PHF24: variants seen among roughly 807,000 people sequenced by gnomAD.
PHF24 encodes PHD finger protein 24, also known as Galpha inhibitory interacting protein.
In PHF24, 25 loss-of-function variants were observed where a neutral mutation model predicts 42.6. The ratio of observed to expected loss-of-function variants is 0.59; its 90% CI spans 0.43 to 0.82. PHF24 has a LOEUF of 0.82. Among genes scored for constraint, PHF24 ranks in the 40% least tolerant of loss-of-function variants. The pLI is 0.00. For synonymous variants in PHF24, 185 were observed against 204.8 expected (o/e 0.90, Z 0.83); for missense variants, 470 against 538.1 (o/e 0.87, Z 1.25).
the PHF24 span, among the ~76,000 whole-genome samples, chr9:34,827,874 C>T: frequency 2.0e-5 from 3 of 152,154 alleles, no homozygotes; most frequent in Non-Finnish European, 2.9e-5. Context: ...CCCTATTTCT[C>T]TATCTCCAGC....
the PHF24 span, among the ~76,000 whole-genome samples, chr9:34,898,857 T>C: frequency 6.6e-6 from 1 of 152,174 alleles, no homozygotes; most frequent in African/African-American, 2.4e-5. Flanking sequence ...ACCCACAGCC[T>C]CTGCCCTTCC....
chr9:34,809,290 C>T, the PHF24 span, among the ~76,000 whole-genome samples: 1 of 152,214 alleles, frequency 6.6e-6, no homozygotes, highest in East Asian at 1.9e-4. The surrounding 1 kb of genome is among the most constrained non-coding windows in gnomAD (Gnocchi z 4.1). Context: ...TTCAGCATTT[C>T]ATTTGTACTT....
chr9:34,872,453 G>A, the PHF24 span, among the ~76,000 whole-genome samples: 2 of 148,532 alleles, frequency 1.3e-5, no homozygotes, highest in Non-Finnish European at 3.0e-5. Context: ...GAGAATATGC[G>A]GTGTCTGGTT....
At chr9:34,971,788 C>CA in intron 2 of PHF24, 112 bp downstream of exon 2, 5 of 1,241,140 alleles carry the variant, frequency 4.0e-6, no homozygotes, top group Non-Finnish European at 3.3e-6. Flanking sequence ...GAGCTGAGTC[C>CA]AAAAAAATCT....
the PHF24 span, among the ~76,000 whole-genome samples, chr9:34,887,424 G>T: frequency 6.6e-6 from 1 of 152,102 alleles, no homozygotes; most frequent in South Asian, 2.1e-4. Context: ...CTTATACCAT[G>T]TGGCCCCTTA....
chr9:34,907,370 T>G, the PHF24 span, among the ~76,000 whole-genome samples: 3 of 152,224 alleles, frequency 2.0e-5, no homozygotes, highest in Non-Finnish European at 1.5e-5. Context: ...ACTGGGTTAT[T>G]CAGTAATAAT....
At chr9:34,895,681 G>A in the PHF24 span, 1 of 404,620 alleles carries the variant, frequency 2.5e-6, no homozygotes, top group East Asian at 3.6e-5. Flanking sequence ...AGGTGTATAA[G>A]GGATATCCAA....
At chr9:34,920,408 T>C in the PHF24 span, among the ~76,000 whole-genome samples, 1 of 152,198 alleles carries the variant, frequency 6.6e-6, no homozygotes, top group East Asian at 1.9e-4. Context: ...TTTTTGTTAC[T>C]ATAGTTCTGT....
At chr9:34,768,631 T>C in the PHF24 span, among the ~76,000 whole-genome samples, 2 of 152,198 alleles carry the variant, frequency 1.3e-5, no homozygotes, top group Non-Finnish European at 2.9e-5. Context: ...GTGGCTATAA[T>C]AGAAGAAAAG....
At chr9:34,720,945 C>T in the PHF24 span, among the ~76,000 whole-genome samples, 2 of 152,198 alleles carry the variant, frequency 1.3e-5, no homozygotes, top group Admixed American at 6.5e-5. Context: ...CCAGCTTTCC[C>T]GCTTTGGTTC....
chr9:34,716,955 C>G, the PHF24 span, among the ~76,000 whole-genome samples: 1 of 152,126 alleles, frequency 6.6e-6, no homozygotes, highest in Admixed American at 6.5e-5. Context: ...TACGCTTCTG[C>G]ATAACGTGTG....
At chr9:34,666,576 A>G in the PHF24 span, among the ~76,000 whole-genome samples, 5 of 104,562 alleles carry the variant, frequency 4.8e-5, no homozygotes, top group East Asian at 1.2e-3. Flanking sequence ...TTTTTGCTAC[A>G]TTCATTCAAT....
chr9:34,723,252 T>G, the PHF24 span: 3 of 1,551,628 alleles, frequency 1.9e-6, no homozygotes, highest in South Asian at 1.2e-5. Flanking sequence ...TGCCCTGGTT[T>G]GTTGGCACAA....
At chr9:34,797,716 G>A in the PHF24 span, among the ~76,000 whole-genome samples, 1 of 151,850 alleles carries the variant, frequency 6.6e-6, no homozygotes, top group Admixed American at 6.6e-5. Context: ...CTGCCTGCTA[G>A]GGTCTCGGGG....
the PHF24 span, among the ~76,000 whole-genome samples, chr9:34,871,126 G>A: frequency 9.2e-5 from 14 of 152,262 alleles, no homozygotes; most frequent in Non-Finnish European, 1.9e-4. Flanking sequence ...CAATGTTTTG[G>A]ATTTTGGCCA....
intron 3 of PHF24, among the ~76,000 whole-genome samples, chr9:34,975,559 C>T (rs1827156614): frequency 6.6e-6 from 1 of 152,028 alleles, no homozygotes; most frequent in Non-Finnish European, 1.5e-5. Flanking sequence ...TATTGGTGCT[C>T]CTTTGGAATT....
At chr9:34,869,239 G>C in the PHF24 span, among the ~76,000 whole-genome samples, 1 of 152,078 alleles carries the variant, frequency 6.6e-6, no homozygotes, top group Admixed American at 6.6e-5. Context: ...CTTTATAATA[G>C]AATGATTTAT....
the PHF24 span, among the ~76,000 whole-genome samples, chr9:34,753,986 C>T: frequency 1.3e-5 from 2 of 151,798 alleles, no homozygotes; most frequent in Non-Finnish European, 2.9e-5. Flanking sequence ...AAAAGTCAAT[C>T]GATTGGGTCT....
chr9:34,875,733 TC>T, the PHF24 span, among the ~76,000 whole-genome samples: 5 of 152,152 alleles, frequency 3.3e-5, no homozygotes, highest in East Asian at 7.7e-4. Context: ...AGTTTTACAT[TC>T]TTCCACCAGG....
Sources: allele counts gnomAD v4.1 joint callset (sites outside exome capture counted in the v4.1 genomes callset), GRCh38; gene constraint gnomAD v4.1.1; non-coding constraint Gnocchi (gnomAD v3.1); transcripts MANE v1.5; gene names NCBI Gene and HGNC (gene_info 2026-07-23, HGNC 2026-07-21).